Variants in SMG5 observed in about 807,000 individuals in gnomAD.
The protein encoded by SMG5 is nonsense-mediated mRNA decay factor SMG5.
In SMG5, 53 loss-of-function variants were observed where a neutral mutation model predicts 122.9. The ratio of observed to expected loss-of-function variants is 0.43; its 90% CI spans 0.35 to 0.54. The LOEUF (loss-of-function observed/expected upper bound fraction) is 0.54, where lower values mean the gene tolerates loss of function less well. Among genes scored for constraint, SMG5 ranks in the 20% least tolerant of loss-of-function variants. The pLI is 0.01. For synonymous variants in SMG5, 477 were observed against 490.2 expected (o/e 0.97, Z 0.35); for missense variants, 1,153 against 1,285.6 (o/e 0.90, Z 1.58).
At chr1:156,262,845 A>AT (rs77115125) in intron 13 of SMG5, among the ~76,000 whole-genome samples, 33,731 of 152,166 alleles carry the variant, frequency 0.22, 3,964 homozygotes, top group Admixed American at 0.32. Flanking sequence ...CATTGAATAA[A>AT]TGCCTCTGGG....
chr1:156,271,235 A>C (rs908984366), intron 7 of SMG5, among the ~76,000 whole-genome samples: 3 of 152,202 alleles, frequency 2.0e-5, no homozygotes, highest in African/African-American at 7.2e-5. Flanking sequence ...TTAGTATTTC[A>C]TTATTTTATA....
At chr1:156,265,201 G>C (rs941654818) in intron 12 of SMG5, among the ~76,000 whole-genome samples, 1 of 151,126 alleles carries the variant, frequency 6.6e-6, no homozygotes. Flanking sequence ...TCCAGTCTGG[G>C]GGATAGGTAA....
At chr1:156,257,560 A>C (rs1661637465) in intron 16 of SMG5, among the ~76,000 whole-genome samples, 1 of 150,796 alleles carries the variant, frequency 6.6e-6, no homozygotes. Flanking sequence ...GCCTGCAAAA[A>C]CTCCTAACAT....
chr1:156,274,817 GAC>G, intron 4 of SMG5, 131 bp from the exon 5 acceptor site: 2 of 694,244 alleles, frequency 2.9e-6, no homozygotes, highest in South Asian at 3.1e-5. Flanking sequence ...TCAGGGCAGA[GAC>G]ACACTCATCC....
chr1:156,282,297 T>C (rs932018781), intron 1 of SMG5, among the ~76,000 whole-genome samples: 1 of 152,028 alleles, frequency 6.6e-6, no homozygotes, highest in Non-Finnish European at 1.5e-5. Flanking sequence ...CACCTTCACC[T>C]ACCCAACCCT....
At chr1:156,282,837 C>T (rs1409397750), upstream of SMG5, 5 of 723,442 alleles carry the variant, frequency 6.9e-6, no homozygotes, top group African/African-American at 7.4e-5. Context: ...GCTCCTCCTC[C>T]GCCTGCCAAA....
intron 7 of SMG5, among the ~76,000 whole-genome samples, chr1:156,271,246 C>T (rs1662404389): frequency 6.6e-6 from 1 of 152,130 alleles, no homozygotes; most frequent in African/African-American, 2.4e-5. Context: ...TTATTTTATA[C>T]TTTATTATCT....
Position 156,277,215 on chromosome 1 carries a change from T to C in SMG5, c.324A>G (p.Glu108=), listed in dbSNP as rs370758275. Residue 108 remains glutamate (E), a synonymous_variant, in exon 4 of 22, where the codon GAA becomes GAG. Transcript: ENST00000361813. ...KKHIHSRSTL[E]CAYRTHLVAG... Reference sequence around the variant, plus strand: ...CAACCAGGTGCGTCCTGTAGGCACATTCCAAAGTGCTCCGGCTGTGGATGT... The same window carrying C: ...CAACCAGGTGCGTCCTGTAGGCACACTCCAAAGTGCTCCGGCTGTGGATGT... 1.2e-6 allele frequency: 2 copies of C among 1,613,542 alleles called. No homozygotes were observed. Among genetic ancestry groups the C allele is most frequent in the African/African-American group, 2.7e-5 (2 of 74,902 alleles).
chr1:156,253,860 C>T (rs1661463695), intron 16 of SMG5: 1 of 330,688 alleles, frequency 3.0e-6, no homozygotes, highest in Non-Finnish European at 5.9e-6. Flanking sequence ...CCTACCCATG[C>T]ACTTCCTCAC....
chr1:156,291,200 CTT>C, the SMG5 span: 4 of 592,470 alleles, frequency 6.8e-6, no homozygotes, highest in East Asian at 1.1e-4. Context: ...AAATCAATCA[CTT>C]ATAGTAATTA....
chr1:156,256,970 A>G (rs1433295547), intron 16 of SMG5, among the ~76,000 whole-genome samples: 4 of 141,488 alleles, frequency 2.8e-5, no homozygotes, highest in Non-Finnish European at 6.0e-5. Flanking sequence ...TCTGTCGCTG[A>G]GGCTGGAGTG....
chr1:156,285,366 T>G, upstream of SMG5: 5 of 1,579,976 alleles, frequency 3.2e-6, no homozygotes, highest in Non-Finnish European at 4.3e-6. Context: ...GCTGAGTCCC[T>G]CAGAGTGGGG....
intron 18 of SMG5, 55 bp from the exon 19 acceptor site, chr1:156,252,559 G>A (rs1661398401): frequency 1.3e-6 from 2 of 1,573,214 alleles, no homozygotes; most frequent in Non-Finnish European, 8.7e-7. Flanking sequence ...GCTGTGACAA[G>A]GGGCTCTGGA....
chr1:156,269,759 C>T (rs1335024825), intron 7 of SMG5, among the ~76,000 whole-genome samples: 1 of 152,194 alleles, frequency 6.6e-6, no homozygotes, highest in African/African-American at 2.4e-5. Flanking sequence ...CCTGTTGTCC[C>T]AGCTACTTGG....
Position 156,266,261 on chromosome 1 carries a change from G to C in SMG5, c.1375C>G (p.Leu459Val), listed in dbSNP as rs762512947. The change falls in exon 12 of 22, where the codon CTC becomes GTC. Residue 459 changes from leucine to valine, a missense_variant. This residue lies in a region of SMG5 where 631 missense variants were observed against 650.6 expected (regional missense o/e 0.97). Transcript: ENST00000361813. ...TTGGGTGGGTGGCGGCGACGGCGGA[G>C]ACAGGAGAGGCGAGAGAACTTACGG... ...KSRKFSRLSC[L>V]RRRRHPPKVG... 1.2e-6 allele frequency: 2 copies of C among 1,614,242 alleles called. No homozygotes were observed. Among genetic ancestry groups the C allele is most frequent in the East Asian group, 4.5e-5 (2 of 44,882 alleles).
chr1:156,252,405 C>A lies in SMG5; in HGVS notation c.2753+9G>T. The stretch of plus-strand genomic sequence containing the variant: ...GGGCTCAGCACAGGTCCAGCCAGGC[C>A]ACACTCACCTGTTTCCTTTTTTAAA... On this transcript the variant is annotated intron_variant, in intron 19 of 21. Coordinates refer to ENST00000361813, the MANE Select transcript of SMG5 (RefSeq NM_015327.3). The A allele has an allele frequency of 6.2e-7, 1 of 1,613,730 alleles. No individual in the cohort carries two copies. The highest frequency in any genetic ancestry group is 8.5e-7 in the Non-Finnish European group (1 of 1,179,694).
intron 12 of SMG5, among the ~76,000 whole-genome samples, chr1:156,265,268 G>C (rs2103225940): frequency 6.6e-6 from 1 of 151,338 alleles, no homozygotes; most frequent in Non-Finnish European, 1.5e-5. Context: ...GCCTAGAGTA[G>C]GGATGACAAC....
chr1:156,285,204 G>C, upstream of SMG5: 1 of 1,517,128 alleles, frequency 6.6e-7, no homozygotes, highest in Non-Finnish European at 8.8e-7. Flanking sequence ...CCTTGTGGTA[G>C]ATCCCAGAAC....
chr1:156,261,283 G>T, intron 14 of SMG5, 50 bp downstream of exon 14: 1 of 1,567,312 alleles, frequency 6.4e-7, no homozygotes, highest in Non-Finnish European at 8.8e-7. Context: ...GGGCTTAGTG[G>T]GGACAATGAG....
Sources: allele counts gnomAD v4.1 joint callset (sites outside exome capture counted in the v4.1 genomes callset), GRCh38; gene constraint gnomAD v4.1.1; regional missense constraint gnomAD v4.1.1; transcripts MANE v1.5; gene names NCBI Gene and HGNC (gene_info 2026-07-23, HGNC 2026-07-21).